The following GREB1L variants were observed in gnomAD, a reference collection of about 807,000 sequenced individuals.
GREB1L encodes GREB1 like retinoic acid receptor coactivator, also known as GREB1-like protein.
A neutral mutation model predicts 200.8 loss-of-function variants in GREB1L; 17 were observed. The ratio of observed to expected loss-of-function variants is 0.08; its 90% CI spans 0.06 to 0.13. The LOEUF (loss-of-function observed/expected upper bound fraction) is 0.13. Among genes scored for constraint, GREB1L ranks in the 10% least tolerant of loss-of-function variants. The pLI is 1.00. For missense variants in GREB1L, 1,657 were observed against 2,367.7 expected, an observed-to-expected ratio of 0.70 and a Z score of 6.23; for synonymous variants, 789 against 893.0, an observed-to-expected ratio of 0.88 and a Z score of 2.08.
intron 7 of GREB1L, among the ~76,000 whole-genome samples, chr18:21,426,158 G>C (rs958903557): frequency 2.0e-5 from 3 of 151,378 alleles, no homozygotes; most frequent in Non-Finnish European, 4.4e-5. Context: ...CCAGGTTCAA[G>C]TGATTCTTCT....
chr18:21,498,133 T>C (rs2036626828), intron 21 of GREB1L, among the ~76,000 whole-genome samples: 1 of 152,102 alleles, frequency 6.6e-6, no homozygotes, highest in Non-Finnish European at 1.5e-5. Context: ...CTCACCCTTT[T>C]TTTGAGCTAT....
chr18:21,454,621 CTCTT>C, intron 15 of GREB1L, 58 bp downstream of exon 15: 1 of 1,309,328 alleles, frequency 7.6e-7, no homozygotes, highest in South Asian at 1.3e-5. Flanking sequence ...TCCCCTCTGC[CTCTT>C]TCTTTTGCTT....
intron 1 of GREB1L, among the ~76,000 whole-genome samples, chr18:21,350,986 T>TG (rs1453061675): frequency 6.6e-6 from 1 of 152,122 alleles, no homozygotes; most frequent in African/African-American, 2.4e-5. Flanking sequence ...GAGGTGGTGG[T>TG]GGTGGGGGAG....
At chr18:21,255,609 C>G (rs2037788652) in intron 1 of GREB1L, among the ~76,000 whole-genome samples, 1 of 152,142 alleles carries the variant, frequency 6.6e-6, no homozygotes, top group Non-Finnish European at 1.5e-5. Flanking sequence ...AGATGAAGAA[C>G]ACTGCTTTGA....
chr18:21,502,578 TTC>T (rs2036842823), intron 23 of GREB1L, among the ~76,000 whole-genome samples: 1 of 152,160 alleles, frequency 6.6e-6, no homozygotes, highest in Non-Finnish European at 1.5e-5. Flanking sequence ...TCAGGCCTGT[TTC>T]CATTTCTCAT....
chr18:21,243,096 A>G (rs2037532201), intron 1 of GREB1L, among the ~76,000 whole-genome samples: 1 of 152,048 alleles, frequency 6.6e-6, no homozygotes, highest in Non-Finnish European at 1.5e-5. Context: ...TGAGACACAA[A>G]GAGTTGTGTT....
At chr18:21,336,547 A>G (rs1157995421) in intron 1 of GREB1L, among the ~76,000 whole-genome samples, 1 of 152,136 alleles carries the variant, frequency 6.6e-6, no homozygotes, top group African/African-American at 2.4e-5. Context: ...ATTAGTAGTA[A>G]AGCAACAGGA....
At chr18:21,406,153 G>A (rs1276686014) in intron 7 of GREB1L, among the ~76,000 whole-genome samples, 2 of 151,602 alleles carry the variant, frequency 1.3e-5, no homozygotes, top group Non-Finnish European at 2.9e-5. Context: ...AAATAATGAC[G>A]ATATTAAAAT....
At chr18:21,497,177 G>A (rs762687511) in intron 21 of GREB1L, among the ~76,000 whole-genome samples, 5 of 152,184 alleles carry the variant, frequency 3.3e-5, no homozygotes, top group Admixed American at 1.3e-4. Flanking sequence ...CTCCTCTGGG[G>A]CCACTGTCAA....
chr18:21,510,833 C>T (rs1303836525), intron 27 of GREB1L, among the ~76,000 whole-genome samples: 1 of 152,130 alleles, frequency 6.6e-6, no homozygotes. Flanking sequence ...AATTTCTTCA[C>T]ATCCTCACCA....
At chr18:21,471,625 T>C (rs1215019948) in intron 15 of GREB1L, among the ~76,000 whole-genome samples, 1 of 29,590 alleles carries the variant, frequency 3.4e-5, no homozygotes, top group African/African-American at 4.4e-5. Context: ...TGTTTCTTTT[T>C]TTTTTTTTTT....
chr18:21,379,030 C>T (rs2040194101), intron 2 of GREB1L, among the ~76,000 whole-genome samples: 1 of 152,152 alleles, frequency 6.6e-6, no homozygotes, highest in East Asian at 1.9e-4. Context: ...CCACCAGGCC[C>T]AGCCTGATTT....
intron 9 of GREB1L, 62 bp from the exon 10 acceptor site, chr18:21,441,338 C>G: frequency 7.3e-7 from 1 of 1,373,818 alleles, no homozygotes; most frequent in Non-Finnish European, 9.7e-7. Context: ...AACTGCATTG[C>G]TTTCTATTGT....
At chr18:21,256,676 C>T (rs1021466963) in intron 1 of GREB1L, among the ~76,000 whole-genome samples, 1 of 152,046 alleles carries the variant, frequency 6.6e-6, no homozygotes, top group Non-Finnish European at 1.5e-5. Flanking sequence ...CAAAACAGGT[C>T]ACATTTCTGA....
At chr18:21,310,525 ACATGT>A (rs1368806540) in intron 1 of GREB1L, among the ~76,000 whole-genome samples, 1 of 152,244 alleles carries the variant, frequency 6.6e-6, no homozygotes, top group African/African-American at 2.4e-5. Flanking sequence ...ATTCAATGTA[ACATGT>A]CATGTAGCCT....
At chr18:21,501,180 T>G (rs188707496) in intron 23 of GREB1L, among the ~76,000 whole-genome samples, 7 of 151,790 alleles carry the variant, frequency 4.6e-5, no homozygotes, top group African/African-American at 1.7e-4. Flanking sequence ...GGATGGTGTA[T>G]TCTACTTTTA....
chr18:21,449,295 T>C (rs1363500581), intron 11 of GREB1L, among the ~76,000 whole-genome samples: 1 of 152,052 alleles, frequency 6.6e-6, no homozygotes, highest in Non-Finnish European at 1.5e-5. Flanking sequence ...AGAAGCCTGA[T>C]TTTTTTTACA....
At position 21,522,907 on chromosome 18, in the gene GREB1L, A is replaced by ACAAT; in HGVS notation, c.*89_*92dup. ...GGGATTTTTCTTTTTCCTTTAAAGT[A>ACAAT]CAATCACTGTGGAGCAAAGTGCAAC... is the stretch of plus-strand genomic sequence containing the variant. On this transcript the variant is annotated 3_prime_UTR_variant, in exon 33 of 33. Transcript: ENST00000424526. 8.0e-7 allele frequency: 1 copy of ACAAT among 1,243,798 alleles called. No individual in the cohort carries two copies. Among genetic ancestry groups the ACAAT allele is most frequent in the Non-Finnish European group, 1.1e-6 (1 of 912,172 alleles). 77.0% of individuals were successfully genotyped at this position (1,243,798 alleles called of 1,614,324 possible). A position where few individuals can be genotyped will look rare whatever the true frequency, so the allele number is the denominator to read the frequency against.
chr18:21,426,913 C>CG (rs1248605427), intron 7 of GREB1L, among the ~76,000 whole-genome samples: 1 of 142,212 alleles, frequency 7.0e-6, no homozygotes, highest in Non-Finnish European at 1.5e-5. Context: ...GAGCCGAGAT[C>CG]GTGCCACTGC....
Sources: gnomAD v4.1 joint callset for allele counts (sites outside exome capture counted in the v4.1 genomes callset) on GRCh38, gnomAD v4.1.1 for gene constraint, MANE v1.5 for transcripts, NCBI Gene and HGNC (gene_info 2026-07-23, HGNC 2026-07-21) for gene names.